The following SMOC1 variants were observed in gnomAD, a reference collection of about 807,000 sequenced individuals.
SMOC1 encodes the protein SPARC-related modular calcium-binding protein 1.
Under a neutral mutation model 56.3 loss-of-function variants are expected in SMOC1, and 22 were observed. The ratio of observed to expected loss-of-function variants is 0.39; its 90% CI spans 0.28 to 0.56. SMOC1 has a LOEUF of 0.56. SMOC1 is among the 20% of genes least tolerant of loss of function. SMOC1 has a pLI of 0.61. For missense variants in SMOC1, 509 were observed against 565.4 expected (o/e 0.90, Z 1.01); for synonymous variants, 193 against 215.0 (o/e 0.90, Z 0.89).
intron 1 of SMOC1, among the ~76,000 whole-genome samples, chr14:69,907,153 T>C (rs543093445): frequency 6.6e-6 from 1 of 152,304 alleles, no homozygotes; most frequent in Admixed American, 6.5e-5. Flanking sequence ...GCCATGACTA[T>C]TTTAAGTTCT....
intron 11 of SMOC1, among the ~76,000 whole-genome samples, chr14:70,027,170 G>T (rs867794001): frequency 6.6e-6 from 1 of 152,194 alleles, no homozygotes; most frequent in Non-Finnish European, 1.5e-5. Flanking sequence ...AGTCCATTTT[G>T]CAGTCTAGGA....
chr14:70,015,447 A>G (rs1211088673), intron 10 of SMOC1, among the ~76,000 whole-genome samples: 1 of 123,590 alleles, frequency 8.1e-6, no homozygotes, highest in East Asian at 2.1e-4. Context: ...CCACAATAAA[A>G]TTAACAACAA....
intron 1 of SMOC1, among the ~76,000 whole-genome samples, chr14:69,889,033 T>G (rs796410193): frequency 7.9e-5 from 12 of 152,204 alleles, no homozygotes; most frequent in Admixed American, 4.6e-4. Context: ...TGTCCAATAT[T>G]AGCCACATGT....
chr14:69,920,046 C>T (rs1884795283), intron 1 of SMOC1, among the ~76,000 whole-genome samples: 1 of 152,064 alleles, frequency 6.6e-6, no homozygotes, highest in South Asian at 2.1e-4. Flanking sequence ...TGGCAGTTGC[C>T]TAGGCTGTTG....
Position 70,027,010 on chromosome 14 carries a change from G to C in SMOC1, c.1292-3232G>C, listed in dbSNP as rs539591988. Among the ~76,000 whole-genome samples, 3 of 152,152 alleles carry C rather than the reference G, an allele frequency of 2.0e-5. No homozygotes were observed. The East Asian group carries it at 5.8e-4, about 29-fold the overall frequency. ...AGAGGGTATGTAGGATTAATCAATG[G>C]GGTGGGGTGAAGTGGAGGCTGAGTA... On this transcript the variant is annotated intron_variant, in intron 11 of 11. Transcript: ENST00000361956.
chr14:69,955,085 C>T (rs1883137688), intron 3 of SMOC1, among the ~76,000 whole-genome samples: 1 of 152,074 alleles, frequency 6.6e-6, no homozygotes, highest in Admixed American at 6.5e-5. Context: ...TCATTTAAGC[C>T]TCACCACAAG....
At chr14:69,912,691 T>C (rs1884585132) in intron 1 of SMOC1, among the ~76,000 whole-genome samples, 1 of 152,168 alleles carries the variant, frequency 6.6e-6, no homozygotes, top group African/African-American at 2.4e-5. Flanking sequence ...GGTCACAAGA[T>C]GGTTGCTGGA....
rs558026828 is a variant in SMOC1 at position 69,944,306 on chromosome 14, G to A, written c.100-7832G>A. Reference sequence around the variant, plus strand: ...TTTGGAAGGCAGCAGCATTTACCCCGGAATTGGAGTTCATCAGGTGGAAGC... The same window carrying A: ...TTTGGAAGGCAGCAGCATTTACCCCAGAATTGGAGTTCATCAGGTGGAAGC... On this transcript the variant is annotated intron_variant, in intron 1 of 11. Coordinates refer to ENST00000361956, the MANE Select transcript of SMOC1 (RefSeq NM_001034852.3). Among the ~76,000 whole-genome samples, 68 of 152,282 alleles carry A rather than the reference G, an allele frequency of 4.5e-4. 1 individual carries two copies. The South Asian group carries it at 5.4e-3, about 12-fold the overall frequency.
At chr14:70,020,151 CTT>C (rs78716484) in intron 10 of SMOC1, among the ~76,000 whole-genome samples, 15 of 146,668 alleles carry the variant, frequency 1.0e-4, no homozygotes, top group Admixed American at 3.4e-4. Flanking sequence ...TTGTTTTTGT[CTT>C]TTTTTTTTTT....
rs1433868148 is a variant in SMOC1 at position 69,879,640 on chromosome 14, A to G, written c.-39A>G. On this transcript the variant is annotated 5_prime_UTR_variant, in exon 1 of 12. Transcript: ENST00000361956. Reference sequence around the variant, plus strand: ...CGCTGTGCGCCCCGCGGAGCCCGCGAACCCCGCTCGCTGCCGGCTGCCCAG... The same window carrying G: ...CGCTGTGCGCCCCGCGGAGCCCGCGGACCCCGCTCGCTGCCGGCTGCCCAG... 1 of 1,446,992 alleles carries G rather than the reference A, an allele frequency of 6.9e-7. No individual in the cohort carries two copies. The highest frequency in any genetic ancestry group is 9.1e-7 in the Non-Finnish European group (1 of 1,102,836). 89.6% of individuals were successfully genotyped at this position (1,446,992 alleles called of 1,614,324 possible).
intron 3 of SMOC1, among the ~76,000 whole-genome samples, chr14:69,964,614 A>T (rs996736448): frequency 6.6e-6 from 1 of 152,022 alleles, no homozygotes; most frequent in East Asian, 1.9e-4. Flanking sequence ...GCTGACCTCG[A>T]GATCTGCCCG....
chr14:69,966,249 C>G (rs1883573061), intron 3 of SMOC1, among the ~76,000 whole-genome samples: 1 of 152,222 alleles, frequency 6.6e-6, no homozygotes, highest in South Asian at 2.1e-4. Context: ...TTGCTGTTTA[C>G]AAAACCTGGA....
At chr14:69,990,352 T>C (rs536936770) in intron 5 of SMOC1, among the ~76,000 whole-genome samples, 19 of 152,332 alleles carry the variant, frequency 1.2e-4, no homozygotes, top group South Asian at 8.3e-4. Context: ...ACATTGAATA[T>C]TAAAATATTA....
intron 1 of SMOC1, among the ~76,000 whole-genome samples, chr14:69,880,118 T>G (rs1156703601): frequency 6.7e-6 from 1 of 148,314 alleles, no homozygotes; most frequent in Non-Finnish European, 1.5e-5. Flanking sequence ...ATGCAGGGCT[T>G]CCCTGTGGTC....
At chr14:70,007,223 T>G (rs553478990) in intron 7 of SMOC1, among the ~76,000 whole-genome samples, 2 of 152,330 alleles carry the variant, frequency 1.3e-5, no homozygotes, top group Admixed American at 1.3e-4. Context: ...TCTGCATCCT[T>G]TTCTGTTCAA....
chr14:69,912,329 A>G (rs1884575079), intron 1 of SMOC1, among the ~76,000 whole-genome samples: 2 of 152,086 alleles, frequency 1.3e-5, no homozygotes, highest in Non-Finnish European at 2.9e-5. Context: ...GCTCACTGCA[A>G]CCTTGAACTC....
intron 3 of SMOC1, among the ~76,000 whole-genome samples, chr14:69,970,415 C>T (rs1449734885): frequency 6.6e-6 from 1 of 152,138 alleles, no homozygotes; most frequent in Non-Finnish European, 1.5e-5. Flanking sequence ...AGGCTTTTTC[C>T]AGTCCATCAG....
At chr14:69,929,173 G>A (rs2069109) in intron 1 of SMOC1, among the ~76,000 whole-genome samples, 2,015 of 152,230 alleles carry the variant, frequency 0.013, 45 homozygotes, top group African/African-American at 0.044. Context: ...CTCTATGCTC[G>A]CCCATTATGG....
chr14:70,029,433 G>A (rs1047778305), intron 11 of SMOC1, among the ~76,000 whole-genome samples: 7 of 152,242 alleles, frequency 4.6e-5, no homozygotes, highest in African/African-American at 1.7e-4. Context: ...GCAAAGAGGT[G>A]CCCAGCAGGA....
Sources: gnomAD v4.1 joint callset for allele counts (sites outside exome capture counted in the v4.1 genomes callset) on GRCh38, gnomAD v4.1.1 for gene constraint, MANE v1.5 for transcripts, NCBI Gene and HGNC (gene_info 2026-07-23, HGNC 2026-07-21) for gene names.